The following DOCK3 variants were observed in gnomAD, a reference collection of about 807,000 sequenced individuals.
DOCK3 encodes dedicator of cytokinesis protein 3.
A neutral mutation model predicts 265.6 loss-of-function variants in DOCK3; 60 were observed. The ratio of observed to expected loss-of-function variants is 0.23; its 90% CI spans 0.18 to 0.28. The LOEUF (loss-of-function observed/expected upper bound fraction) is 0.28. Ranked by LOEUF, DOCK3 falls within the 10% of genes least tolerant of loss-of-function variation. The pLI is 1.00. For missense variants in DOCK3, 1,981 were observed against 2,594.3 expected (o/e 0.76, Z 5.14); for synonymous variants, 881 against 938.0 (o/e 0.94, Z 1.11).
chr3:51,158,785 G>A (rs1576275953), intron 10 of DOCK3, among the ~76,000 whole-genome samples: 1 of 152,200 alleles, frequency 6.6e-6, no homozygotes, highest in African/African-American at 2.4e-5. Context: ...AACTTCGTGT[G>A]TAATAATCAT....
At chr3:50,821,501 C>T (rs951483964) in intron 2 of DOCK3, among the ~76,000 whole-genome samples, 5 of 152,060 alleles carry the variant, frequency 3.3e-5, no homozygotes, top group African/African-American at 4.8e-5. Context: ...GGGGTTTCAC[C>T]GTGTTAGCCA....
chr3:50,995,811 T>G (rs1193107766), intron 5 of DOCK3, among the ~76,000 whole-genome samples: 1 of 152,176 alleles, frequency 6.6e-6, no homozygotes, highest in Non-Finnish European at 1.5e-5. Flanking sequence ...TCTCAGAATG[T>G]CAGGCATTGG....
At chr3:50,737,634 C>G (rs529984923) in intron 1 of DOCK3, among the ~76,000 whole-genome samples, 6 of 151,936 alleles carry the variant, frequency 3.9e-5, no homozygotes, top group African/African-American at 1.4e-4. Context: ...CCTTTTTGTC[C>G]TCTTACTGGG....
chr3:51,157,190 AC>A (rs753857578), intron 10 of DOCK3, among the ~76,000 whole-genome samples: 44 of 152,116 alleles, frequency 2.9e-4, no homozygotes, highest in Non-Finnish European at 5.4e-4. Context: ...TTATAAACAT[AC>A]TTTATTATTT....
chr3:50,869,099 T>C (rs1169776942), intron 3 of DOCK3, among the ~76,000 whole-genome samples: 2 of 148,928 alleles, frequency 1.3e-5, no homozygotes, highest in East Asian at 4.0e-4. Context: ...CTCAGCCTCC[T>C]GAGTAGCTGG....
Position 51,374,695 on chromosome 3 carries a change from C to A in DOCK3, c.5412+108C>A. 1.8e-6 allele frequency: 2 copies of A among 1,109,072 alleles called. No homozygotes were observed. Among genetic ancestry groups the A allele is most frequent in the Non-Finnish European group, 2.6e-6 (2 of 761,432 alleles). 68.7% of individuals were successfully genotyped at this position (1,109,072 alleles called of 1,614,324 possible). On this transcript the variant is annotated intron_variant, in intron 50 of 52. Coordinates refer to ENST00000266037, the MANE Select transcript of DOCK3 (RefSeq NM_004947.5). This position sits in a 1 kb window ranked among gnomAD's most constrained non-coding sequence, Gnocchi z 4.8. Reference sequence around the variant, plus strand: ...CATTGTCCTACATGGCTCTCTCATTCCGCTGTAAGATCCCGCAAAAGGCCG... The same window carrying A: ...CATTGTCCTACATGGCTCTCTCATTACGCTGTAAGATCCCGCAAAAGGCCG...
chr3:51,250,286 A>T (rs2079135732), intron 22 of DOCK3, among the ~76,000 whole-genome samples: 2 of 42,384 alleles, frequency 4.7e-5, no homozygotes, highest in Non-Finnish European at 1.2e-4. Flanking sequence ...AAAAAAAAAA[A>T]TTAAAAAAAA....
intron 1 of DOCK3, among the ~76,000 whole-genome samples, chr3:50,725,762 T>C (rs1192786670): frequency 6.6e-6 from 1 of 152,200 alleles, no homozygotes; most frequent in Non-Finnish European, 1.5e-5. Context: ...GGTTGTACAT[T>C]TTGACCTGTC....
chr3:51,248,526 G>C (rs192705333), intron 22 of DOCK3, among the ~76,000 whole-genome samples: 5 of 152,136 alleles, frequency 3.3e-5, no homozygotes, highest in Non-Finnish European at 7.4e-5. Context: ...GTGCAGTGGC[G>C]TGATCTCGGC....
At chr3:51,251,433 G>T (rs1425238260) in intron 22 of DOCK3, among the ~76,000 whole-genome samples, 1 of 152,192 alleles carries the variant, frequency 6.6e-6, no homozygotes, top group African/African-American at 2.4e-5. Context: ...AGATCCTTGA[G>T]GAATCACCAC....
intron 2 of DOCK3, among the ~76,000 whole-genome samples, chr3:50,812,704 C>T (rs1414947972): frequency 1.3e-5 from 2 of 152,174 alleles, no homozygotes; most frequent in African/African-American, 4.8e-5. Flanking sequence ...CACAATGGGG[C>T]GGGCCGTCTG....
At chr3:51,367,257 C>A (rs147387941) in intron 49 of DOCK3, among the ~76,000 whole-genome samples, 2 of 152,172 alleles carry the variant, frequency 1.3e-5, no homozygotes, top group African/African-American at 2.4e-5. Context: ...CCTTCTTTAT[C>A]TCTTTTGATC....
intron 12 of DOCK3, among the ~76,000 whole-genome samples, chr3:51,172,999 G>A (rs993576017): frequency 6.6e-6 from 1 of 151,996 alleles, no homozygotes; most frequent in Admixed American, 6.6e-5. Context: ...ACAAATTATT[G>A]TAGCAATAAC....
At chr3:50,963,957 A>G (rs547123021) in intron 5 of DOCK3, among the ~76,000 whole-genome samples, 1 of 152,362 alleles carries the variant, frequency 6.6e-6, no homozygotes, top group East Asian at 1.9e-4. Flanking sequence ...CTCATCAGGC[A>G]TCATGTGAGG....
intron 2 of DOCK3, among the ~76,000 whole-genome samples, chr3:50,831,302 A>G (rs947714337): frequency 6.6e-6 from 1 of 151,916 alleles, no homozygotes; most frequent in African/African-American, 2.4e-5. Flanking sequence ...GTAGGTATAC[A>G]TGTGCCATAG....
At chr3:51,247,012 A>G (rs1008005961) in intron 22 of DOCK3, among the ~76,000 whole-genome samples, 1 of 152,176 alleles carries the variant, frequency 6.6e-6, no homozygotes, top group Admixed American at 6.5e-5. Flanking sequence ...TTAAAGAAGG[A>G]GGGAGAGATG....
chr3:50,763,671 A>G (rs1254458664), intron 1 of DOCK3, among the ~76,000 whole-genome samples: 2 of 152,160 alleles, frequency 1.3e-5, no homozygotes, highest in East Asian at 3.8e-4. Flanking sequence ...TTGGCATACA[A>G]TTGTTCAAAG....
chr3:51,249,797 G>A (rs1208600178), intron 22 of DOCK3, among the ~76,000 whole-genome samples: 4 of 146,792 alleles, frequency 2.7e-5, no homozygotes, highest in South Asian at 2.2e-4. Flanking sequence ...ATTGAGAACG[G>A]GCCAGGATGA....
chr3:51,113,386 C>G (rs2083602213), intron 9 of DOCK3, among the ~76,000 whole-genome samples: 1 of 152,118 alleles, frequency 6.6e-6, no homozygotes, highest in African/African-American at 2.4e-5. Context: ...CTTCAGTTGC[C>G]AAACTCTGGG....
Sources: allele counts gnomAD v4.1 joint callset (sites outside exome capture counted in the v4.1 genomes callset), GRCh38; gene constraint gnomAD v4.1.1; non-coding constraint Gnocchi (gnomAD v3.1); transcripts MANE v1.5; gene names NCBI Gene and HGNC (gene_info 2026-07-23, HGNC 2026-07-21).